Variants in KCNIP1 observed in about 807,000 individuals in gnomAD.
The protein encoded by KCNIP1 is A-type potassium channel modulatory protein KCNIP1.
A neutral mutation model predicts 33.0 loss-of-function variants in KCNIP1; 18 were observed. The observed-to-expected ratio is 0.55, with a 90% CI of 0.38 to 0.81. KCNIP1 has a LOEUF of 0.81. Ranked by LOEUF, KCNIP1 falls within the 30% of genes least tolerant of loss-of-function variation. KCNIP1 has a pLI of 0.00. For synonymous variants in KCNIP1, 93 were observed against 98.3 expected, an observed-to-expected ratio of 0.95 and a Z score of 0.32; for missense variants, 238 against 271.6, an observed-to-expected ratio of 0.88 and a Z score of 0.87.
intron 1 of KCNIP1, among the ~76,000 whole-genome samples, chr5:170,583,967 G>C (rs940394526): frequency 2.6e-5 from 4 of 152,186 alleles, no homozygotes; most frequent in African/African-American, 9.7e-5. Flanking sequence ...TGAGGATATG[G>C]ATGCTCAGAA....
chr5:170,486,602 C>T (rs1757099698), intron 1 of KCNIP1, among the ~76,000 whole-genome samples: 1 of 152,244 alleles, frequency 6.6e-6, no homozygotes, highest in Non-Finnish European at 1.5e-5. Flanking sequence ...TCCCTGGCTC[C>T]TGCCAGTTTC....
intron 1 of KCNIP1, among the ~76,000 whole-genome samples, chr5:170,412,927 G>T (rs61506684): frequency 6.6e-6 from 1 of 152,114 alleles, no homozygotes; most frequent in East Asian, 1.9e-4. Flanking sequence ...ACCCAGCCTC[G>T]TGACTATCTG....
At chr5:170,519,257 C>T (rs1755267917) in intron 1 of KCNIP1, among the ~76,000 whole-genome samples, 2 of 152,142 alleles carry the variant, frequency 1.3e-5, no homozygotes, top group African/African-American at 2.4e-5. Flanking sequence ...TTTGGTGGAA[C>T]ATGTGTGGCT....
Position 170,718,876 on chromosome 5 carries a change from C to T in KCNIP1, c.180C>T (p.Phe60=). The T allele has an allele frequency of 6.2e-7, 1 of 1,609,960 alleles. No individual in the cohort carries two copies. The highest frequency in any genetic ancestry group is 8.5e-7 in the Non-Finnish European group (1 of 1,178,746). ...AGCTGCAGGTCCTTTATCGAGGCTT[C>T]AAAAATGTAAGACCCGTGCACGCTC... The part of the protein sequence containing the change: ...KRELQVLYRG[F]KNECPSGVVN... The change falls in exon 2 of 8, where the codon TTC becomes TTT. Residue 60 remains phenylalanine (F), a synonymous_variant. Coordinates refer to ENST00000328939, the MANE Select transcript of KCNIP1 (RefSeq NM_014592.4).
Position 170,722,730 on chromosome 5 carries a change from G to A in KCNIP1, c.345G>A (p.Leu115=). 6.2e-7 allele frequency: 1 copy of A among 1,613,424 alleles called. No individual in the cohort carries two copies. Among genetic ancestry groups the A allele is most frequent in the Admixed American group, 1.7e-5 (1 of 60,010 alleles). Residue 115 remains leucine, a synonymous_variant, in exon 5 of 8, where the codon CTG becomes CTA. Transcript: ENST00000328939. ...SVKFEDFVTA[L]SILLRGTVHE... is the part of the protein sequence containing the mutation. ...CTTCTCAGGACTTTGTAACCGCTCT[G>A]TCGATTTTATTGAGAGGAACTGTCC...
chr5:170,598,942 T>TGTGTG (rs1758581504), intron 1 of KCNIP1, among the ~76,000 whole-genome samples: 1 of 146,372 alleles, frequency 6.8e-6, no homozygotes. Context: ...TGTGTGTGTG[T>TGTGTG]TTGGTGGGGT....
At chr5:170,455,922 C>G (rs578034372) in intron 1 of KCNIP1, among the ~76,000 whole-genome samples, 1 of 152,248 alleles carries the variant, frequency 6.6e-6, no homozygotes, top group African/African-American at 2.4e-5. Context: ...GGATCTAGAA[C>G]CAGAAATACC....
chr5:170,468,945 C>T (rs1271147293), intron 1 of KCNIP1, among the ~76,000 whole-genome samples: 1 of 152,046 alleles, frequency 6.6e-6, no homozygotes, highest in South Asian at 2.1e-4. Context: ...AAAGCTGAAG[C>T]CCTTTGCCCC....
chr5:170,387,003 G>A lies in KCNIP1; in HGVS notation c.88+33039G>A, dbSNP rs114995604. Among the ~76,000 whole-genome samples, 332 of 152,150 alleles carry A rather than the reference G, an allele frequency of 2.2e-3. 1 individual carries two copies. The highest frequency in any genetic ancestry group is 7.6e-3 in the African/African-American group (315 of 41,512). On this transcript the variant is annotated intron_variant, in intron 1 of 7. Transcript: ENST00000377360. Reference sequence around the variant, plus strand: ...AAGAAACAGCCCCTCAATCTATGCCGCCTGGAGCCACAGAGATGCCCAGCC... The same window carrying A: ...AAGAAACAGCCCCTCAATCTATGCCACCTGGAGCCACAGAGATGCCCAGCC...
intron 1 of KCNIP1, among the ~76,000 whole-genome samples, chr5:170,550,982 C>A (rs1381603605): frequency 6.6e-6 from 1 of 152,200 alleles, no homozygotes; most frequent in East Asian, 1.9e-4. Flanking sequence ...CCCCTCATCT[C>A]ATTTACCTTC....
intron 1 of KCNIP1, among the ~76,000 whole-genome samples, chr5:170,447,540 A>G (rs968190551): frequency 1.8e-4 from 28 of 152,154 alleles, no homozygotes; most frequent in African/African-American, 6.5e-4. Flanking sequence ...AGGGGGTGGC[A>G]CAAGGTGCGT....
intron 1 of KCNIP1, among the ~76,000 whole-genome samples, chr5:170,566,794 C>A (rs920946270): frequency 2.6e-5 from 4 of 152,144 alleles, no homozygotes; most frequent in African/African-American, 9.7e-5. Context: ...AATTAATGAC[C>A]CACCCAAAGC....
chr5:170,362,911 G>C (rs1465113369), intron 1 of KCNIP1, among the ~76,000 whole-genome samples: 1 of 152,168 alleles, frequency 6.6e-6, no homozygotes, highest in African/African-American at 2.4e-5. Flanking sequence ...CCGGAGCCTG[G>C]GATGTCTCTA....
intron 5 of KCNIP1, among the ~76,000 whole-genome samples, chr5:170,723,456 A>G (rs1440586056): frequency 6.6e-6 from 1 of 152,164 alleles, no homozygotes; most frequent in Admixed American, 6.5e-5. Context: ...TCTCAGTGGA[A>G]GCTGGAAATT....
chr5:170,575,835 A>G (rs531970006), intron 1 of KCNIP1, among the ~76,000 whole-genome samples: 2 of 152,320 alleles, frequency 1.3e-5, no homozygotes, highest in Non-Finnish European at 2.9e-5. Flanking sequence ...CTTCTTAGCA[A>G]TTCACCTTAT....
chr5:170,363,375 A>C (rs1763567034), intron 1 of KCNIP1, among the ~76,000 whole-genome samples: 1 of 152,204 alleles, frequency 6.6e-6, no homozygotes, highest in Admixed American at 6.5e-5. Context: ...CAGGAGATTA[A>C]GGTTAAATGA....
intron 1 of KCNIP1, among the ~76,000 whole-genome samples, chr5:170,499,019 C>T (rs979317439): frequency 2.0e-5 from 3 of 151,622 alleles, no homozygotes; most frequent in South Asian, 2.1e-4. Flanking sequence ...TGGATGGGGG[C>T]GGTGGAGGTG....
At chr5:170,693,993 G>A (rs935565818) in intron 1 of KCNIP1, among the ~76,000 whole-genome samples, 10 of 152,134 alleles carry the variant, frequency 6.6e-5, no homozygotes, top group Admixed American at 2.0e-4. Flanking sequence ...AACTCTTCAG[G>A]CAGATCTAGC....
chr5:170,456,701 TTTTCTTTC>T (rs147202327), intron 1 of KCNIP1, among the ~76,000 whole-genome samples: 17 of 135,774 alleles, frequency 1.3e-4, no homozygotes, highest in South Asian at 4.7e-4. Context: ...CTCTCTCTCT[TTTTCTTTC>T]TTTCTTTCTT....
Sources: allele counts gnomAD v4.1 joint callset (sites outside exome capture counted in the v4.1 genomes callset), GRCh38; gene constraint gnomAD v4.1.1; transcripts MANE v1.5; gene names NCBI Gene and HGNC (gene_info 2026-07-23, HGNC 2026-07-21).